MAML2: variants seen among roughly 807,000 people sequenced by gnomAD.
The protein encoded by MAML2 is mastermind like transcriptional coactivator 2, also known as mastermind-like protein 2.
MAML2 carries 22 observed loss-of-function variants against 96.1 expected under a neutral mutation model. The ratio of observed to expected loss-of-function variants is 0.23; its 90% confidence interval spans 0.16 to 0.33. MAML2 has a LOEUF of 0.33. Among genes scored for constraint, MAML2 ranks in the 10% least tolerant of loss-of-function variants. The pLI is 1.00. For synonymous variants in MAML2, 561 were observed against 521.3 expected, an observed-to-expected ratio of 1.08 and a Z score of -1.04; for missense variants, 1,367 against 1,392.4, an observed-to-expected ratio of 0.98 and a Z score of 0.29.
intron 1 of MAML2, among the ~76,000 whole-genome samples, chr11:96,291,016 C>CA (rs1863200596): frequency 2.5e-5 from 3 of 122,296 alleles, no homozygotes; most frequent in Non-Finnish European, 5.3e-5. Context: ...CTTCTAAAGG[C>CA]AAAAAAACTT....
chr11:96,237,346 C>G (rs1167939835), intron 1 of MAML2, among the ~76,000 whole-genome samples: 1 of 152,194 alleles, frequency 6.6e-6, no homozygotes, highest in Non-Finnish European at 1.5e-5. Context: ...CCTGGATGAC[C>G]TCAGCCCATG....
chr11:96,076,944 A>G (rs1200304538), intron 2 of MAML2, among the ~76,000 whole-genome samples: 3 of 152,154 alleles, frequency 2.0e-5, no homozygotes, highest in Non-Finnish European at 2.9e-5. Context: ...GTTCAGAAAA[A>G]TGAGAAACAA....
intron 2 of MAML2, among the ~76,000 whole-genome samples, chr11:96,027,060 A>G (rs1858536012): frequency 6.6e-6 from 1 of 152,166 alleles, no homozygotes. Flanking sequence ...GAAGTACAGG[A>G]TACTGGTGCC....
chr11:96,245,822 A>G (rs763627685), intron 1 of MAML2, among the ~76,000 whole-genome samples: 4 of 151,276 alleles, frequency 2.6e-5, no homozygotes, highest in Non-Finnish European at 4.4e-5. Context: ...CTCCTGCCTC[A>G]GCCTCCTGAG....
intron 1 of MAML2, among the ~76,000 whole-genome samples, chr11:96,155,100 G>T (rs1202456691): frequency 6.6e-6 from 1 of 152,122 alleles, no homozygotes; most frequent in Non-Finnish European, 1.5e-5. Context: ...GGGTAAATAA[G>T]TCTGCCTAAT....
At chr11:96,302,862 C>T (rs1415004388) in intron 1 of MAML2, among the ~76,000 whole-genome samples, 3 of 152,158 alleles carry the variant, frequency 2.0e-5, no homozygotes, top group African/African-American at 7.2e-5. Context: ...CATATTTTTA[C>T]ATAGGTAAAA....
intron 1 of MAML2, among the ~76,000 whole-genome samples, chr11:96,193,266 G>T (rs769291246): frequency 3.3e-5 from 5 of 152,184 alleles, no homozygotes; most frequent in Non-Finnish European, 5.9e-5. Context: ...CTACTCAGGA[G>T]GCTGAGACAG....
chr11:96,298,103 GAAATAT>G (rs1372075702), intron 1 of MAML2, among the ~76,000 whole-genome samples: 1 of 152,026 alleles, frequency 6.6e-6, no homozygotes, highest in Non-Finnish European at 1.5e-5. Context: ...CTATACTTAG[GAAATAT>G]AAATATTTTA....
chr11:96,034,408 A>ATTGT (rs1858667391), intron 2 of MAML2, among the ~76,000 whole-genome samples: 1 of 126,730 alleles, frequency 7.9e-6, no homozygotes, highest in Non-Finnish European at 1.6e-5. Context: ...AATACTTTGA[A>ATTGT]GTGTGTGTGT....
At chr11:96,250,548 C>T (rs1172044206) in intron 1 of MAML2, among the ~76,000 whole-genome samples, 1 of 152,172 alleles carries the variant, frequency 6.6e-6, no homozygotes, top group African/African-American at 2.4e-5. Context: ...CTCCCTATCC[C>T]TTTATATCTA....
chr11:96,250,710 A>T (rs182223460), intron 1 of MAML2, among the ~76,000 whole-genome samples: 7 of 152,362 alleles, frequency 4.6e-5, no homozygotes, highest in Admixed American at 2.6e-4. Flanking sequence ...GACACATTTT[A>T]AAATGACAAG....
intron 3 of MAML2, among the ~76,000 whole-genome samples, chr11:95,989,466 G>A (rs1244830964): frequency 1.3e-5 from 2 of 152,226 alleles, no homozygotes; most frequent in East Asian, 3.8e-4. Context: ...CTCATGGAAT[G>A]TATATGCTAC....
intron 1 of MAML2, among the ~76,000 whole-genome samples, chr11:96,255,385 A>C (rs1308541551): frequency 1.3e-5 from 2 of 152,210 alleles, no homozygotes; most frequent in African/African-American, 2.4e-5. Flanking sequence ...CATTTTACAG[A>C]AGAGGAACTG....
chr11:96,326,770 A>G (rs898801126), intron 1 of MAML2, among the ~76,000 whole-genome samples: 2 of 152,012 alleles, frequency 1.3e-5, no homozygotes, highest in South Asian at 2.1e-4. Flanking sequence ...GTCAAAGTAA[A>G]TAAATAAATA....
At chr11:96,042,263 C>A (rs1255793847) in intron 2 of MAML2, among the ~76,000 whole-genome samples, 1 of 152,192 alleles carries the variant, frequency 6.6e-6, no homozygotes, top group Non-Finnish European at 1.5e-5. Context: ...CAGGCGTGAG[C>A]CACCATGCCC....
intron 3 of MAML2, among the ~76,000 whole-genome samples, chr11:95,990,920 TA>T (rs1857898902): frequency 6.6e-6 from 1 of 152,074 alleles, no homozygotes; most frequent in South Asian, 2.1e-4. Context: ...TTGTCTTTCT[TA>T]AACAGTCAAA....
At chr11:96,335,176 G>T (rs561618686) in intron 1 of MAML2, among the ~76,000 whole-genome samples, 1 of 152,148 alleles carries the variant, frequency 6.6e-6, no homozygotes, top group Non-Finnish European at 1.5e-5. Flanking sequence ...GGACCTTAAG[G>T]CAAGTAAAAA....
chr11:96,059,690 A>G (rs1406007314), intron 2 of MAML2, among the ~76,000 whole-genome samples: 1 of 152,228 alleles, frequency 6.6e-6, no homozygotes, highest in Non-Finnish European at 1.5e-5. Context: ...AAATGCTCCA[A>G]TGAGCATTTC....
At chr11:96,014,363 G>A (rs1329403550) in intron 2 of MAML2, among the ~76,000 whole-genome samples, 6 of 152,178 alleles carry the variant, frequency 3.9e-5, no homozygotes, top group Non-Finnish European at 5.9e-5. Flanking sequence ...GGATGACACA[G>A]TGGTTGTTGA....
Sources: allele counts gnomAD v4.1 joint callset (sites outside exome capture counted in the v4.1 genomes callset), GRCh38; gene constraint gnomAD v4.1.1; transcripts MANE v1.5; gene names NCBI Gene and HGNC (gene_info 2026-07-23, HGNC 2026-07-21).